The following PLA2G4A variants were observed in gnomAD, a reference collection of about 807,000 sequenced individuals.
The protein encoded by PLA2G4A is cytosolic phospholipase A2.
In PLA2G4A, 40 loss-of-function variants were observed where a neutral mutation model predicts 81.9. The observed-to-expected ratio is 0.49, with a 90% confidence interval of 0.38 to 0.64. PLA2G4A has a LOEUF of 0.64. Among genes scored for constraint, PLA2G4A ranks in the 30% least tolerant of loss-of-function variants. The pLI is 0.00. For synonymous variants in PLA2G4A, 302 were observed against 296.9 expected (o/e 1.02, Z -0.18); for missense variants, 715 against 905.1 (o/e 0.79, Z 2.69).
chr1:186,930,601 CTT>C (rs1230726687), intron 7 of PLA2G4A, among the ~76,000 whole-genome samples: 8 of 152,076 alleles, frequency 5.3e-5, no homozygotes, highest in Non-Finnish European at 8.8e-5. Context: ...TTACTAAGAA[CTT>C]TTTTTCTCTA....
chr1:186,902,273 T>C (rs1215155970), intron 5 of PLA2G4A, among the ~76,000 whole-genome samples: 2 of 152,158 alleles, frequency 1.3e-5, no homozygotes, highest in African/African-American at 4.8e-5. Flanking sequence ...AAAACATCAC[T>C]ATGCAGTACA....
chr1:186,955,043 T>C (rs1312355575), intron 13 of PLA2G4A, among the ~76,000 whole-genome samples: 1 of 152,018 alleles, frequency 6.6e-6, no homozygotes, highest in Non-Finnish European at 1.5e-5. Flanking sequence ...TAGAAAATAG[T>C]GGAGAGAGGG....
At chr1:186,944,198 T>A (rs1656257461) in intron 10 of PLA2G4A, among the ~76,000 whole-genome samples, 1 of 151,944 alleles carries the variant, frequency 6.6e-6, no homozygotes, top group Non-Finnish European at 1.5e-5. Context: ...TATCTGAGTG[T>A]AAGGGCCCCA....
At chr1:186,951,924 A>G (rs1366922220) in intron 13 of PLA2G4A, among the ~76,000 whole-genome samples, 1 of 152,198 alleles carries the variant, frequency 6.6e-6, no homozygotes, top group Non-Finnish European at 1.5e-5. Context: ...TATGTAGCCC[A>G]TGATCTGCCT....
At chr1:186,924,532 C>G (rs1187441946) in intron 7 of PLA2G4A, among the ~76,000 whole-genome samples, 1 of 152,050 alleles carries the variant, frequency 6.6e-6, no homozygotes, top group Non-Finnish European at 1.5e-5. Flanking sequence ...TATAGTAATT[C>G]CTCAAGTCAT....
At chr1:186,916,126 T>A (rs1655128294) in intron 7 of PLA2G4A, among the ~76,000 whole-genome samples, 2 of 152,144 alleles carry the variant, frequency 1.3e-5, no homozygotes, top group African/African-American at 2.4e-5. Flanking sequence ...CACATTTAGT[T>A]CATCATAGAA....
chr1:186,924,563 C>T (rs1655480158), intron 7 of PLA2G4A, among the ~76,000 whole-genome samples: 1 of 152,054 alleles, frequency 6.6e-6, no homozygotes, highest in Non-Finnish European at 1.5e-5. Context: ...CCTCTTTCTC[C>T]TCATTCTATT....
intron 7 of PLA2G4A, among the ~76,000 whole-genome samples, chr1:186,912,800 A>ACATAAG (rs1655008440): frequency 1.4e-5 from 2 of 143,754 alleles, no homozygotes; most frequent in African/African-American, 5.2e-5. Flanking sequence ...ATATATGTAT[A>ACATAAG]TATATATATA....
At chr1:186,924,016 C>G (rs565808417) in intron 7 of PLA2G4A, among the ~76,000 whole-genome samples, 64 of 152,240 alleles carry the variant, frequency 4.2e-4, no homozygotes, top group Non-Finnish European at 8.1e-4. Flanking sequence ...CCTCGTAGTT[C>G]AATAGAGAAT....
chr1:186,949,375 G>A lies in PLA2G4A; in HGVS notation c.1265-1282G>A, dbSNP rs1187188420. On this transcript the variant is annotated intron_variant, in intron 12 of 17. Transcript: ENST00000367466. ...AAGAAAGAAAGAGAAAGAAAGAAAA[G>A]AAAGAAAGAAAGAAAAAAGAAAAAG... is the stretch of plus-strand genomic sequence containing the variant. 5.2e-3 allele frequency among the ~76,000 whole-genome samples: 58 copies of A among 11,050 alleles called. No homozygotes were observed. In the South Asian group the frequency reaches 0.15, roughly 29 times the overall value. The allele number at this position is 11,050 out of a possible 152,430, so 7.2% of individuals were successfully genotyped here.
chr1:186,849,644 C>T (rs528594858), intron 1 of PLA2G4A, among the ~76,000 whole-genome samples: 1 of 152,270 alleles, frequency 6.6e-6, no homozygotes, highest in Admixed American at 6.5e-5. Context: ...CCCACTCTCT[C>T]CTCACTCTGC....
At chr1:186,841,285 G>T (rs1225418800) in intron 1 of PLA2G4A, among the ~76,000 whole-genome samples, 2 of 152,158 alleles carry the variant, frequency 1.3e-5, no homozygotes, top group African/African-American at 2.4e-5. Context: ...GAGAAATTCA[G>T]TTATTTGTTT....
At chr1:186,851,043 T>C (rs1364586750) in intron 1 of PLA2G4A, among the ~76,000 whole-genome samples, 1 of 152,064 alleles carries the variant, frequency 6.6e-6, no homozygotes, top group East Asian at 1.9e-4. Flanking sequence ...GCTAGGTACC[T>C]TTCACAGTAC....
intron 2 of PLA2G4A, among the ~76,000 whole-genome samples, chr1:186,865,818 A>G (rs1170036245): frequency 6.6e-6 from 1 of 152,172 alleles, no homozygotes; most frequent in East Asian, 1.9e-4. Flanking sequence ...ACATATATCA[A>G]TATACTTATC....
chr1:186,831,972 G>A (rs1651606928), intron 1 of PLA2G4A, among the ~76,000 whole-genome samples: 1 of 151,922 alleles, frequency 6.6e-6, no homozygotes, highest in Admixed American at 6.6e-5. Context: ...TAATAATCAT[G>A]CATTACTTTG....
intron 2 of PLA2G4A, among the ~76,000 whole-genome samples, chr1:186,862,436 T>TC: frequency 6.6e-6 from 1 of 152,214 alleles, no homozygotes; most frequent in South Asian, 2.1e-4. Context: ...GGTCTGAAAC[T>TC]CCTGACCTTA....
chr1:186,855,761 C>T (rs1386602049), intron 2 of PLA2G4A, among the ~76,000 whole-genome samples: 2 of 151,982 alleles, frequency 1.3e-5, no homozygotes, highest in Non-Finnish European at 2.9e-5. Context: ...CTACTGATAA[C>T]CATCATATTC....
chr1:186,903,323 T>C (rs1330035016), intron 5 of PLA2G4A, among the ~76,000 whole-genome samples: 1 of 152,184 alleles, frequency 6.6e-6, no homozygotes, highest in African/African-American at 2.4e-5. Context: ...TTGGAGTACA[T>C]AAGGGAAGTC....
In PLA2G4A at chr1:186,936,151, G is replaced by T. The variant is rs75273333; in HGVS notation, c.696-2857G>T. Among the ~76,000 whole-genome samples, 504 of 152,010 alleles carry T rather than the reference G, an allele frequency of 3.3e-3. 3 individuals carry two copies. Among genetic ancestry groups the T allele is most frequent in the African/African-American group, 0.011 (466 of 41,540 alleles). On this transcript the variant is annotated intron_variant, in intron 8 of 17. Transcript: ENST00000367466. Reference sequence around the variant, plus strand: ...TTTGTACAGTATTACCATCTAAAAAGAAATCAGAACAGCTCTGCATCTATA... The same window carrying T: ...TTTGTACAGTATTACCATCTAAAAATAAATCAGAACAGCTCTGCATCTATA...
Sources: gnomAD v4.1 joint callset for allele counts (sites outside exome capture counted in the v4.1 genomes callset) on GRCh38, gnomAD v4.1.1 for gene constraint, MANE v1.5 for transcripts, NCBI Gene and HGNC (gene_info 2026-07-23, HGNC 2026-07-21) for gene names.